Variants in PTPRM observed in about 807,000 individuals in gnomAD.
The protein encoded by PTPRM is receptor-type tyrosine-protein phosphatase mu.
Under a neutral mutation model 186.7 loss-of-function variants are expected in PTPRM, and 47 were observed. That is an observed-to-expected ratio of 0.25 (90% CI 0.20 to 0.32). PTPRM has a LOEUF of 0.32. Ranked by LOEUF, PTPRM falls within the 10% of genes least tolerant of loss-of-function variation. The probability of loss-of-function intolerance (pLI) is 1.00; values close to 1 mark genes in which losing one functional copy is unlikely to be tolerated. For synonymous variants in PTPRM, 668 were observed against 674.9 expected (o/e 0.99, Z 0.16); for missense variants, 1,494 against 1,865.0 (o/e 0.80, Z 3.66).
At chr18:7,588,105 A>G (rs1266772971) in intron 1 of PTPRM, among the ~76,000 whole-genome samples, 4 of 152,166 alleles carry the variant, frequency 2.6e-5, no homozygotes, top group Non-Finnish European at 5.9e-5. Flanking sequence ...CATATAATGG[A>G]CACCTAAAAT....
At chr18:7,860,617 C>T (rs1177299094) in intron 2 of PTPRM, among the ~76,000 whole-genome samples, 1 of 152,144 alleles carries the variant, frequency 6.6e-6, no homozygotes, top group Non-Finnish European at 1.5e-5. Context: ...CTTTTCCTCT[C>T]GTTTATCTTG....
chr18:7,907,751 A>C (rs2050063724), intron 4 of PTPRM, among the ~76,000 whole-genome samples: 1 of 150,790 alleles, frequency 6.6e-6, no homozygotes, highest in South Asian at 2.1e-4. Context: ...GAACACCGCA[A>C]ATGTGTGTGT....
chr18:7,679,430 C>T (rs930995111), intron 1 of PTPRM, among the ~76,000 whole-genome samples: 9 of 151,816 alleles, frequency 5.9e-5, no homozygotes, highest in African/African-American at 9.7e-5. Flanking sequence ...TTTGGGAGGC[C>T]GAGGCAAGTG....
chr18:7,702,454 T>G (rs1010538988), intron 1 of PTPRM, among the ~76,000 whole-genome samples: 2 of 152,210 alleles, frequency 1.3e-5, no homozygotes, highest in Non-Finnish European at 2.9e-5. Flanking sequence ...ATGATGAGGG[T>G]TTTTTTCATG....
chr18:7,774,055 C>G, intron 1 of PTPRM, 94 bp from the exon 2 acceptor site: 1 of 1,307,544 alleles, frequency 7.6e-7, no homozygotes, highest in Non-Finnish European at 1.1e-6. Flanking sequence ...TGGCATCAAA[C>G]TTGGCATCAA....
intron 14 of PTPRM, among the ~76,000 whole-genome samples, chr18:8,237,746 C>T (rs1003254035): frequency 6.6e-6 from 1 of 152,070 alleles, no homozygotes; most frequent in African/African-American, 2.4e-5. Context: ...GCACCTGGCC[C>T]AGATTCCCTC....
chr18:7,747,915 A>T (rs1263295325), intron 1 of PTPRM, among the ~76,000 whole-genome samples: 1 of 152,232 alleles, frequency 6.6e-6, no homozygotes, highest in Non-Finnish European at 1.5e-5. Context: ...TAAGGAATGT[A>T]TGAAAAGTTT....
At chr18:7,882,080 C>T (rs1440153150) in intron 2 of PTPRM, among the ~76,000 whole-genome samples, 1 of 152,152 alleles carries the variant, frequency 6.6e-6, no homozygotes, top group African/African-American at 2.4e-5. Flanking sequence ...CTATGCTACT[C>T]AGTATGGTCG....
At chr18:7,835,326 T>G (rs2045990659) in intron 2 of PTPRM, among the ~76,000 whole-genome samples, 1 of 152,082 alleles carries the variant, frequency 6.6e-6, no homozygotes, top group African/African-American at 2.4e-5. Flanking sequence ...CCTTCTTAAT[T>G]TCTTCATTGA....
chr18:8,032,668 A>G (rs2086057830), intron 7 of PTPRM, among the ~76,000 whole-genome samples: 1 of 152,182 alleles, frequency 6.6e-6, no homozygotes, highest in South Asian at 2.1e-4. Context: ...AAATTGAAAC[A>G]GAAGCATTCA....
intron 14 of PTPRM, among the ~76,000 whole-genome samples, chr18:8,188,603 A>G (rs2093671896): frequency 6.6e-6 from 1 of 152,250 alleles, no homozygotes; most frequent in South Asian, 2.1e-4. Flanking sequence ...TGCCCTGGTC[A>G]TTTAAATTTG....
chr18:7,944,653 C>T (rs1412635927), intron 5 of PTPRM, among the ~76,000 whole-genome samples: 1 of 152,298 alleles, frequency 6.6e-6, no homozygotes, highest in Non-Finnish European at 1.5e-5. Flanking sequence ...CTAGAGTTCT[C>T]CTATACTTTC....
At chr18:7,603,902 G>C (rs1050593285) in intron 1 of PTPRM, among the ~76,000 whole-genome samples, 6 of 152,158 alleles carry the variant, frequency 3.9e-5, no homozygotes, top group Non-Finnish European at 5.9e-5. Context: ...TGACACACTG[G>C]CTTTAGTTTA....
chr18:8,310,215 C>T (rs1348646940), intron 20 of PTPRM, among the ~76,000 whole-genome samples: 1 of 151,872 alleles, frequency 6.6e-6, no homozygotes, highest in Non-Finnish European at 1.5e-5. Context: ...GTCCACTAGC[C>T]CTCTCTATGC....
At chr18:7,780,920 C>T (rs1443608197) in intron 2 of PTPRM, among the ~76,000 whole-genome samples, 1 of 152,054 alleles carries the variant, frequency 6.6e-6, no homozygotes, top group East Asian at 1.9e-4. Context: ...TCTGCTGGAG[C>T]TAGGGGTGGG....
At chr18:8,305,325 G>A (rs969502099) in intron 20 of PTPRM, among the ~76,000 whole-genome samples, 2 of 152,192 alleles carry the variant, frequency 1.3e-5, no homozygotes, top group Non-Finnish European at 2.9e-5. Flanking sequence ...AAATGAAATA[G>A]TGCAGATGAA....
intron 14 of PTPRM, among the ~76,000 whole-genome samples, chr18:8,179,166 G>A (rs2093535103): frequency 2.0e-5 from 3 of 152,208 alleles, no homozygotes; most frequent in Admixed American, 2.0e-4. Context: ...GTGTCCTGCT[G>A]CGAAAGAAGT....
intron 1 of PTPRM, among the ~76,000 whole-genome samples, chr18:7,612,437 G>C (rs2037699277): frequency 6.6e-6 from 1 of 152,152 alleles, no homozygotes; most frequent in Admixed American, 6.5e-5. Flanking sequence ...TCTTCTTACA[G>C]ATTTATCGCA....
intron 1 of PTPRM, among the ~76,000 whole-genome samples, chr18:7,614,425 G>T (rs2037753040): frequency 6.6e-6 from 1 of 152,176 alleles, no homozygotes; most frequent in African/African-American, 2.4e-5. Flanking sequence ...GGTACCCAAA[G>T]AATATTAAGG....
Sources: gnomAD v4.1 joint callset for allele counts (sites outside exome capture counted in the v4.1 genomes callset) on GRCh38, gnomAD v4.1.1 for gene constraint, MANE v1.5 for transcripts, NCBI Gene and HGNC (gene_info 2026-07-23, HGNC 2026-07-21) for gene names.